ORC4: variants seen among roughly 807,000 people sequenced by gnomAD.
The protein encoded by ORC4 is origin recognition complex subunit 4.
Under a neutral mutation model 63.9 loss-of-function variants are expected in ORC4, and 55 were observed. The ratio of observed to expected loss-of-function variants is 0.86; its 90% confidence interval spans 0.69 to 1.08. The LOEUF (loss-of-function observed/expected upper bound fraction) is 1.08, where lower values mean the gene tolerates loss of function less well. Among genes scored for constraint, ORC4 ranks in the 50% least tolerant of loss-of-function variants. ORC4 has a pLI of 0.00. For missense variants in ORC4, 511 were observed against 504.4 expected (o/e 1.01, Z -0.13); for synonymous variants, 150 against 168.5 (o/e 0.89, Z 0.85).
rs1690282641 is a variant in ORC4, at chr2:147,972,627, GA to G, written c.225+111del. On this transcript the variant is annotated intron_variant, in intron 4 of 13. Coordinates refer to ENST00000392857, the MANE Select transcript of ORC4 (RefSeq NM_181741.4). The stretch of plus-strand genomic sequence containing the variant: ...AAAAAGTAAAACATTACAAAATAAT[GA>G]AAAGTATTTTCAGTATTACATAAAA... The G allele has an allele frequency of 1.5e-5, 8 of 538,208 alleles. No individual in the cohort carries two copies. The Admixed American group carries it at 2.2e-4, about 15-fold the overall frequency. 33.3% of individuals were successfully genotyped at this position (538,208 alleles called of 1,614,324 possible).
chr2:148,001,404 G>A (rs187687642), intron 1 of ORC4, among the ~76,000 whole-genome samples: 92 of 152,162 alleles, frequency 6.0e-4, no homozygotes, highest in African/African-American at 2.1e-3. Flanking sequence ...GACTAACAAC[G>A]GATCTCTCTG....
At position 147,973,484 on chromosome 2, in the gene ORC4, G is replaced by A. The variant is rs1310201453; in HGVS notation, c.98C>T (p.Pro33Leu). The change falls in exon 3 of 14, where the codon CCA (proline) becomes CTA (leucine). Residue 33 changes from proline (P) to leucine (L), a missense_variant. Transcript: ENST00000392857. ...TTGCACTCCAAATAGGTTACTATGT[G>A]GACTCTGACGACAAAATCTTTCACG... ...ILRERFCRQS[P>L]HSNLFGVQVQ... is the part of the protein sequence containing the mutation. 1.9e-6 allele frequency: 3 copies of A among 1,605,312 alleles called. No individual in the cohort carries two copies. Among genetic ancestry groups the A allele is most frequent in the Non-Finnish European group, 2.6e-6 (3 of 1,173,040 alleles).
At position 147,943,485 on chromosome 2, in the gene ORC4, TG is replaced by T; in HGVS notation, c.799del (p.Gln267ArgfsTer17). ...GTTTTTGCTGATATTGAAATGCTTCTGTAGTACTTCTTGCACACTTCTATCT... is the reference window on the plus strand; with the variant it reads ...GTTTTTGCTGATATTGAAATGCTTCTTAGTACTTCTTGCACACTTCTATCT... ...SEDRSVQEVL[Q>X]KHFNISKNLR... On this transcript the variant is annotated frameshift_variant, in exon 10 of 14. Transcript: ENST00000392857. LOFTEE classifies it high-confidence loss of function. 1.2e-6 allele frequency: 2 copies of T among 1,606,826 alleles called. No homozygotes were observed. The highest frequency in any genetic ancestry group is 1.7e-6 in the Non-Finnish European group (2 of 1,174,430).
intron 1 of ORC4, among the ~76,000 whole-genome samples, chr2:148,001,975 A>C (rs1692339506): frequency 6.6e-6 from 1 of 152,192 alleles, no homozygotes; most frequent in South Asian, 2.1e-4. Context: ...CTCTGATAAA[A>C]CAGACTTTAA....
At chr2:147,955,522 T>A in intron 6 of ORC4, 127 bp from the exon 7 acceptor site, 1 of 682,122 alleles carries the variant, frequency 1.5e-6, no homozygotes, top group Admixed American at 2.4e-5. Flanking sequence ...TTGCCCAGAC[T>A]CTGCTGAGTG....
At chr2:148,011,289 T>C (rs1692952069) in intron 1 of ORC4, among the ~76,000 whole-genome samples, 1 of 152,220 alleles carries the variant, frequency 6.6e-6, no homozygotes, top group Non-Finnish European at 1.5e-5. Context: ...TCAAGTGGGA[T>C]TCATCCCAGG....
intron 4 of ORC4, among the ~76,000 whole-genome samples, chr2:147,965,204 A>C (rs968623512): frequency 5.3e-5 from 8 of 152,176 alleles, no homozygotes; most frequent in African/African-American, 1.7e-4. Flanking sequence ...CCAACTGGAA[A>C]AATAAATGAG....
At chr2:148,009,458 C>G (rs1280804122) in intron 1 of ORC4, among the ~76,000 whole-genome samples, 1 of 151,906 alleles carries the variant, frequency 6.6e-6, no homozygotes, top group African/African-American at 2.4e-5. Flanking sequence ...TAGATTTCAA[C>G]ATAAAAACTA....
At position 147,973,445 on chromosome 2, in the gene ORC4, T is replaced by TA; in HGVS notation, c.134+2dup. On this transcript the variant is annotated splice_region_variant and intron_variant, in intron 3 of 13. Coordinates refer to ENST00000392857, the MANE Select transcript of ORC4 (RefSeq NM_181741.4). Reference sequence around the variant, plus strand: ...TAACAGTCAAGAGGACAGCTAGACTTACTTGTATTGTACTTGCACTCCAAA... The same window carrying TA: ...TAACAGTCAAGAGGACAGCTAGACTTAACTTGTATTGTACTTGCACTCCAAA... The TA allele has an allele frequency of 6.3e-7, 1 of 1,576,488 alleles. No individual in the cohort carries two copies. The highest frequency in any genetic ancestry group is 8.7e-7 in the Non-Finnish European group (1 of 1,145,946).
intron 4 of ORC4, among the ~76,000 whole-genome samples, chr2:147,965,649 T>A (rs918719724): frequency 6.6e-6 from 1 of 152,270 alleles, no homozygotes; most frequent in Admixed American, 6.5e-5. Context: ...ATTCTCAGCA[T>A]TGGACAGATA....
chr2:147,939,319 C>G (rs756549159), intron 10 of ORC4, 71 bp from the exon 11 acceptor site: 3 of 903,958 alleles, frequency 3.3e-6, no homozygotes, highest in Non-Finnish European at 5.6e-6. Flanking sequence ...TGCAAAACTT[C>G]TGAATTTGTA....
At chr2:147,978,705 A>G (rs1690702670) in intron 1 of ORC4, among the ~76,000 whole-genome samples, 1 of 152,184 alleles carries the variant, frequency 6.6e-6, no homozygotes. Context: ...TATAGGTGCA[A>G]AAATCCTCAA....
chr2:147,944,261 G>A (rs1227770118), intron 9 of ORC4, among the ~76,000 whole-genome samples: 4 of 152,108 alleles, frequency 2.6e-5, no homozygotes, highest in African/African-American at 9.7e-5. Flanking sequence ...CCTGTGAAAA[G>A]TGAAATGTGG....
At position 147,952,381 on chromosome 2, in the gene ORC4, A is replaced by G. The variant is rs144969263; in HGVS notation, c.580T>C (p.Cys194Arg). 2 of 1,602,408 alleles carry G rather than the reference A, an allele frequency of 1.2e-6. No individual in the cohort carries two copies. Among genetic ancestry groups the G allele is most frequent in the Non-Finnish European group, 1.7e-6 (2 of 1,169,944 alleles). ...TGAACAGAAAGACTTACCAATCTAC[A>G]TGTAAGACCAATAACTGCTATTGGG... ...QTPIAVIGLT[C>R]RLDILELLEK... Residue 194 changes from cysteine to arginine, a missense_variant, in exon 8 of 14, where the codon TGT becomes CGT. Transcript: ENST00000392857.
intron 1 of ORC4, among the ~76,000 whole-genome samples, chr2:147,986,802 C>CACACACAA (rs1553458249): frequency 2.6e-5 from 4 of 151,452 alleles, no homozygotes; most frequent in Non-Finnish European, 5.9e-5. Flanking sequence ...CACACACACA[C>CACACACAA]ACACACACAC....
chr2:148,014,542 T>C (rs866298184), intron 1 of ORC4, among the ~76,000 whole-genome samples: 9 of 152,104 alleles, frequency 5.9e-5, no homozygotes, highest in African/African-American at 2.2e-4. Flanking sequence ...AAAAATATCA[T>C]AAGCTAGCAG....
intron 11 of ORC4, chr2:147,938,622 A>G (rs1487735487): frequency 2.1e-6 from 1 of 486,738 alleles, no homozygotes. Flanking sequence ...TTAAACTTTT[A>G]GAAATGTCAC....
chr2:147,977,147 G>A (rs890735325), intron 1 of ORC4, among the ~76,000 whole-genome samples: 4 of 152,116 alleles, frequency 2.6e-5, no homozygotes, highest in Admixed American at 2.0e-4. Context: ...AAGGTTAGAA[G>A]ACACAGATAG....
rs963261161 is a variant in ORC4, at chr2:147,933,308, C to T, written c.*2202G>A. 4.6e-5 allele frequency: 7 copies of T among 151,920 alleles called. No homozygotes were observed. The highest frequency in any genetic ancestry group is 6.6e-5 in the Admixed American group (1 of 15,204). The allele number at this position is 151,920 out of a possible 1,614,324, so 9.4% of individuals were successfully genotyped here. A position where few individuals can be genotyped will look rare whatever the true frequency, so the allele number is the denominator to read the frequency against. ...ATGACAATTAAAGCAATTTAAGAGA[C>T]GAAGTTAGCTCAAAACTCTTGCGAA... On this transcript the variant is annotated 3_prime_UTR_variant, in exon 14 of 14. Transcript: ENST00000392857.
Sources: allele counts gnomAD v4.1 joint callset (sites outside exome capture counted in the v4.1 genomes callset), GRCh38; gene constraint gnomAD v4.1.1; transcripts MANE v1.5; gene names NCBI Gene and HGNC (gene_info 2026-07-23, HGNC 2026-07-21).